The following CLASP1 variants were observed in gnomAD, a reference collection of about 807,000 sequenced individuals.
CLASP1 encodes the protein CLIP-associating protein 1.
A neutral mutation model predicts 192.3 loss-of-function variants in CLASP1; 38 were observed. The observed-to-expected ratio is 0.20, with a 90% CI of 0.15 to 0.26. The LOEUF (loss-of-function observed/expected upper bound fraction) is 0.26. Among genes scored for constraint, CLASP1 ranks in the 10% least tolerant of loss-of-function variants. CLASP1 has a pLI of 1.00. For synonymous variants in CLASP1, 691 were observed against 712.8 expected, an observed-to-expected ratio of 0.97 and a Z score of 0.49; for missense variants, 1,433 against 1,932.5, an observed-to-expected ratio of 0.74 and a Z score of 4.85.
chr2:121,472,130 T>C (rs1168411012), intron 8 of CLASP1, among the ~76,000 whole-genome samples: 1 of 152,156 alleles, frequency 6.6e-6, no homozygotes. Flanking sequence ...ATGGGAGACA[T>C]GAAGACACTA....
At chr2:121,574,003 A>G (rs1474569873) in intron 2 of CLASP1, among the ~76,000 whole-genome samples, 2 of 152,210 alleles carry the variant, frequency 1.3e-5, no homozygotes, top group Non-Finnish European at 1.5e-5. Flanking sequence ...AATTTCAGTT[A>G]GACAAGAGGA....
At chr2:121,369,672 A>G (rs574241623) in intron 34 of CLASP1, among the ~76,000 whole-genome samples, 3 of 152,290 alleles carry the variant, frequency 2.0e-5, no homozygotes, top group Admixed American at 1.3e-4. Flanking sequence ...TCCTTTCCCT[A>G]CAGTGCAAGC....
intron 2 of CLASP1, among the ~76,000 whole-genome samples, chr2:121,566,745 A>T (rs72971246): frequency 1.4e-3 from 208 of 152,350 alleles, no homozygotes; most frequent in African/African-American, 4.7e-3. Context: ...CTAACATTCC[A>T]GTAATCCATC....
intron 2 of CLASP1, among the ~76,000 whole-genome samples, chr2:121,562,475 C>G (rs928846762): frequency 9.9e-5 from 15 of 152,188 alleles, no homozygotes; most frequent in African/African-American, 3.6e-4. Flanking sequence ...CAGCAAAGAA[C>G]AAATCACTCC....
chr2:121,591,546 C>T (rs1178142905), intron 2 of CLASP1, among the ~76,000 whole-genome samples: 3 of 152,170 alleles, frequency 2.0e-5, no homozygotes, highest in Non-Finnish European at 4.4e-5. Context: ...GTACTAAATT[C>T]CTATACTACA....
intron 8 of CLASP1, among the ~76,000 whole-genome samples, chr2:121,493,713 C>T (rs1193267872): frequency 1.3e-5 from 2 of 150,914 alleles, no homozygotes; most frequent in Non-Finnish European, 2.9e-5. Context: ...GATTAATAAC[C>T]AGAATATATG....
At chr2:121,630,379 G>T (rs1339284655) in intron 1 of CLASP1, among the ~76,000 whole-genome samples, 1 of 105,268 alleles carries the variant, frequency 9.5e-6, no homozygotes, top group Non-Finnish European at 1.8e-5. Flanking sequence ...ATATTGGAAA[G>T]AAACACACAC....
chr2:121,514,733 A>G (rs1043226469), intron 7 of CLASP1, among the ~76,000 whole-genome samples: 1 of 152,220 alleles, frequency 6.6e-6, no homozygotes, highest in African/African-American at 2.4e-5. Flanking sequence ...AGAGACATCA[A>G]GACAGTTGAC....
chr2:121,493,173 T>A (rs765064884), intron 8 of CLASP1, among the ~76,000 whole-genome samples: 3 of 152,022 alleles, frequency 2.0e-5, no homozygotes, highest in Non-Finnish European at 4.4e-5. Flanking sequence ...CACAAAAGAC[T>A]CAGAATAGCC....
At chr2:121,578,129 C>T (rs937447271) in intron 2 of CLASP1, among the ~76,000 whole-genome samples, 1 of 152,004 alleles carries the variant, frequency 6.6e-6, no homozygotes, top group Admixed American at 6.6e-5. Flanking sequence ...GATAGGGTTT[C>T]ACCATGTTGC....
Position 121,390,978 on chromosome 2 carries a change from C to T in CLASP1, c.3124-3072G>A, listed in dbSNP as rs779407682. Among the ~76,000 whole-genome samples the T allele has an allele frequency of 5.9e-5, 9 of 152,108 alleles. No homozygotes were observed. The South Asian group carries it at 1.0e-3, about 18-fold the overall frequency. On this transcript the variant is annotated intron_variant, in intron 30 of 39. Coordinates refer to ENST00000263710, the Ensembl canonical transcript of CLASP1. ...GGACTACAGGCGTGTGCCACTGTGT[C>T]GGCCTAATATCTTTCGTTTTTACTA...
At chr2:121,531,200 ATCATCAACTGT>A (rs1464215935) in intron 2 of CLASP1, among the ~76,000 whole-genome samples, 1 of 152,094 alleles carries the variant, frequency 6.6e-6, no homozygotes, top group African/African-American at 2.4e-5. Context: ...CTTTACGCCG[ATCATCAACTGT>A]TCTGTAACTT....
intron 12 of CLASP1, 106 bp from the exon 13 acceptor site, chr2:121,459,081 AC>A: frequency 1.3e-6 from 1 of 795,486 alleles, no homozygotes; most frequent in Non-Finnish European, 1.8e-6. Context: ...TCTAGAAAGG[AC>A]AAGGGTCTGA....
intron 9 of CLASP1, among the ~76,000 whole-genome samples, chr2:121,467,942 AT>A (rs1458990067): frequency 1.3e-5 from 2 of 152,180 alleles, no homozygotes; most frequent in African/African-American, 4.8e-5. Flanking sequence ...TACGTCTTTC[AT>A]CCATCTTGAG....
At chr2:121,388,687 G>A (rs1235109510) in intron 30 of CLASP1, among the ~76,000 whole-genome samples, 1 of 152,108 alleles carries the variant, frequency 6.6e-6, no homozygotes, top group African/African-American at 2.4e-5. Context: ...AATGCCTGAG[G>A]AATTAATTAC....
intron 19 of CLASP1, among the ~76,000 whole-genome samples, chr2:121,437,214 C>T (rs936527278): frequency 3.3e-5 from 5 of 152,132 alleles, no homozygotes; most frequent in Admixed American, 2.0e-4. Context: ...CCTCCTGCCT[C>T]GGCCTCCAAA....
chr2:121,617,191 T>G (rs2066612498), intron 1 of CLASP1, among the ~76,000 whole-genome samples: 1 of 152,138 alleles, frequency 6.6e-6, no homozygotes, highest in Non-Finnish European at 1.5e-5. Context: ...CCAGTCTCCC[T>G]GACTCCCTCC....
intron 1 of CLASP1, among the ~76,000 whole-genome samples, chr2:121,647,815 C>T (rs1343075271): frequency 6.6e-6 from 1 of 152,200 alleles, no homozygotes; most frequent in Non-Finnish European, 1.5e-5. Flanking sequence ...AAAGTCTCCT[C>T]TAAGGAGTCC....
intron 1 of CLASP1, among the ~76,000 whole-genome samples, chr2:121,613,611 GC>G (rs1419474143): frequency 2.5e-4 from 32 of 127,544 alleles, no homozygotes; most frequent in Non-Finnish European, 1.5e-4. Context: ...AAAAGCACAT[GC>G]ACAAAGCCTT....
Sources: gnomAD v4.1 joint callset for allele counts (sites outside exome capture counted in the v4.1 genomes callset) on GRCh38, gnomAD v4.1.1 for gene constraint, MANE v1.5 for transcripts, NCBI Gene and HGNC (gene_info 2026-07-23, HGNC 2026-07-21) for gene names.